EGFR: variants seen among roughly 807,000 people sequenced by gnomAD.
EGFR encodes avian erythroblastic leukemia viral (v-erb-b) oncogene homolog.
EGFR carries 58 observed loss-of-function variants against 143.0 expected under a neutral mutation model. The observed-to-expected ratio is 0.41, with a 90% CI of 0.33 to 0.50. The LOEUF (loss-of-function observed/expected upper bound fraction) is 0.50, where lower values mean the gene tolerates loss of function less well. Among genes scored for constraint, EGFR ranks in the 20% least tolerant of loss-of-function variants. The pLI is 0.39. For synonymous variants in EGFR, 613 were observed against 594.4 expected, an observed-to-expected ratio of 1.03 and a Z score of -0.45; for missense variants, 1,307 against 1,579.0, an observed-to-expected ratio of 0.83 and a Z score of 2.92.
intron 19 of EGFR, among the ~76,000 whole-genome samples, chr7:55,178,273 G>A (rs1786692786): frequency 6.6e-6 from 1 of 152,246 alleles, no homozygotes; most frequent in Non-Finnish European, 1.5e-5. Context: ...GGGGAGAGAT[G>A]TGATTTGTGC....
intron 22 of EGFR, among the ~76,000 whole-genome samples, chr7:55,194,819 C>T (rs1273963351): frequency 1.3e-5 from 2 of 152,228 alleles, no homozygotes; most frequent in African/African-American, 2.4e-5. Context: ...GAGGCTGCCA[C>T]GGCAGATTAT....
intron 1 of EGFR, among the ~76,000 whole-genome samples, chr7:55,040,475 C>A (rs1198566205): frequency 6.6e-6 from 1 of 152,074 alleles, no homozygotes; most frequent in Non-Finnish European, 1.5e-5. Flanking sequence ...ATAAAATGGA[C>A]AGATTAAACC....
At chr7:55,021,862 AC>A (rs1158028146) in intron 1 of EGFR, among the ~76,000 whole-genome samples, 1 of 152,194 alleles carries the variant, frequency 6.6e-6, no homozygotes, top group Non-Finnish European at 1.5e-5. Flanking sequence ...AACTAAAGTG[AC>A]TTTCCCACAG....
At chr7:55,071,770 A>G (rs10279672) in intron 1 of EGFR, among the ~76,000 whole-genome samples, 1 of 152,246 alleles carries the variant, frequency 6.6e-6, no homozygotes, top group Non-Finnish European at 1.5e-5. Context: ...TTCTCTCCAA[A>G]TTATATTTGA....
chr7:55,182,593 C>T (rs1194530157), intron 20 of EGFR: 4 of 152,238 alleles, frequency 2.6e-5, no homozygotes, highest in African/African-American at 9.7e-5. Flanking sequence ...CTTCCCATGG[C>T]AGAGCTCCTG....
Position 55,205,204 on chromosome 7 carries a change from A to G in EGFR, c.3272-52A>G, listed in dbSNP as rs145306310. On this transcript the variant is annotated intron_variant, in intron 27 of 27. Transcript: ENST00000275493. ...AGGGTTCAGAACCCAGGGATCCTGC[A>G]TGGGATGGTGCTTTGCTGATTACTT... The G allele has an allele frequency of 1.5e-3, 2,477 of 1,608,038 alleles. 13 individuals are homozygous for G. Among genetic ancestry groups the G allele is most frequent in the Non-Finnish European group, 1.1e-3 (1,239 of 1,178,202 alleles).
At chr7:55,029,418 T>G (rs1275616354) in intron 1 of EGFR, among the ~76,000 whole-genome samples, 1 of 152,194 alleles carries the variant, frequency 6.6e-6, no homozygotes, top group Non-Finnish European at 1.5e-5. Flanking sequence ...TTCCTTGCTT[T>G]CTTTCTTCTT....
chr7:55,152,143 C>T (rs41424746), intron 5 of EGFR, among the ~76,000 whole-genome samples: 44 of 152,306 alleles, frequency 2.9e-4, no homozygotes, highest in African/African-American at 8.7e-4. Context: ...CTGGCTCAGC[C>T]TCTCAGTGGC....
intron 1 of EGFR, among the ~76,000 whole-genome samples, chr7:55,102,725 A>G (rs1435976670): frequency 6.6e-6 from 1 of 152,224 alleles, no homozygotes; most frequent in Non-Finnish European, 1.5e-5. Context: ...TATAATGTGT[A>G]TGTTTATCTA....
chr7:55,168,127 G>A (rs1282252761), intron 15 of EGFR, among the ~76,000 whole-genome samples: 1 of 152,178 alleles, frequency 6.6e-6, no homozygotes, highest in Non-Finnish European at 1.5e-5. Context: ...TGCCAGCTCT[G>A]TTGGCCACTT....
rs2128853159 is a variant in EGFR, at chr7:55,019,236, T to C, written c.-42T>C. The C allele has an allele frequency of 2.8e-6, 4 of 1,425,702 alleles. No individual in the cohort carries two copies. The highest frequency in any genetic ancestry group is 2.6e-5 in the South Asian group (2 of 78,322). 88.3% of individuals were successfully genotyped at this position (1,425,702 alleles called of 1,614,324 possible). ...CGCACGGCCCCCTGACTCCGTCCAG[T>C]ATTGATCGGGAGAGCCGGAGCGAGC... On this transcript the variant is annotated 5_prime_UTR_variant, in exon 1 of 28. Coordinates refer to ENST00000275493, the MANE Select transcript of EGFR (RefSeq NM_005228.5).
chr7:55,163,931 G>T, intron 14 of EGFR, 108 bp downstream of exon 14: 1 of 1,271,652 alleles, frequency 7.9e-7, no homozygotes. Context: ...ACGGCCATCA[G>T]AGCCACTTCC....
chr7:55,041,790 T>C (rs1426209959), intron 1 of EGFR, among the ~76,000 whole-genome samples: 1 of 152,242 alleles, frequency 6.6e-6, no homozygotes, highest in Non-Finnish European at 1.5e-5. Flanking sequence ...ACAAGTGTTT[T>C]CTTACTTATT....
At chr7:55,101,611 G>A (rs1262784782) in intron 1 of EGFR, among the ~76,000 whole-genome samples, 1 of 152,160 alleles carries the variant, frequency 6.6e-6, no homozygotes, top group African/African-American at 2.4e-5. Context: ...GGCTGAGGCT[G>A]CTGCCCTGAC....
chr7:55,085,593 C>T (rs1790708129), intron 1 of EGFR, among the ~76,000 whole-genome samples: 1 of 152,222 alleles, frequency 6.6e-6, no homozygotes, highest in Non-Finnish European at 1.5e-5. Flanking sequence ...GTATTTCTCC[C>T]ACTTTCTGAA....
chr7:55,201,827 A>G lies in EGFR; in HGVS notation c.3162+45A>G, dbSNP rs41446045. The G allele has an allele frequency of 4.7e-3, 7,532 of 1,594,738 alleles. 31 individuals are homozygous for G. Among genetic ancestry groups the G allele is most frequent in the Non-Finnish European group, 6.0e-3 (7,014 of 1,162,472 alleles). On this transcript the variant is annotated intron_variant, in intron 26 of 27. Transcript: ENST00000275493. ...AAGCCAGAATTTACAGCTCTCCACT[A>G]TGGCTCTATTTTACATGGAAAATGC...
intron 20 of EGFR, among the ~76,000 whole-genome samples, chr7:55,183,964 T>C (rs1380942217): frequency 6.6e-6 from 1 of 152,122 alleles, no homozygotes; most frequent in Admixed American, 6.5e-5. Context: ...CCGTGTGAAA[T>C]GTGTATGTGA....
chr7:55,037,334 A>G (rs1787644321), intron 1 of EGFR, among the ~76,000 whole-genome samples: 1 of 152,224 alleles, frequency 6.6e-6, no homozygotes, highest in Non-Finnish European at 1.5e-5. Flanking sequence ...GGAGCCTGTA[A>G]TCCAGATCCC....
rs746340466 is a variant in EGFR at position 55,156,837 on chromosome 7, G to A, written c.1207+5G>A. ...AAACCGTAAAGGAAATCACAGGTTT[G>A]AGCTGAATTATCACATGAATATAAA... is the stretch of plus-strand genomic sequence containing the variant. On this transcript the variant is annotated splice_donor_5th_base_variant and intron_variant, in intron 10 of 27. Coordinates refer to ENST00000275493, the MANE Select transcript of EGFR (RefSeq NM_005228.5). The A allele has an allele frequency of 8.7e-6, 14 of 1,614,230 alleles. No individual in the cohort carries two copies. Among genetic ancestry groups the A allele is most frequent in the Non-Finnish European group, 1.2e-5 (14 of 1,180,050 alleles).
Sources: allele counts gnomAD v4.1 joint callset (sites outside exome capture counted in the v4.1 genomes callset), GRCh38; gene constraint gnomAD v4.1.1; transcripts MANE v1.5; gene names NCBI Gene and HGNC (gene_info 2026-07-23, HGNC 2026-07-21).